Variants in PLEKHO2 observed in about 807,000 individuals in gnomAD.
PLEKHO2 encodes the protein pleckstrin homology domain containing O2.
PLEKHO2 carries 20 observed loss-of-function variants against 32.7 expected under a neutral mutation model. That is an observed-to-expected ratio of 0.61 (90% CI 0.43 to 0.89). PLEKHO2 has a LOEUF of 0.89. Ranked by LOEUF, PLEKHO2 falls within the 40% of genes least tolerant of loss-of-function variation. The probability of loss-of-function intolerance (pLI) is 0.00; values close to 1 mark genes in which losing one functional copy is unlikely to be tolerated. For missense variants in PLEKHO2, 568 were observed against 621.2 expected (o/e 0.91, Z 0.91); for synonymous variants, 247 against 246.3 (o/e 1.00, Z -0.03).
chr15:64,845,345 G>A (rs1256224510), intron 1 of PLEKHO2, among the ~76,000 whole-genome samples: 3 of 151,906 alleles, frequency 2.0e-5, no homozygotes, highest in East Asian at 1.9e-4. Flanking sequence ...GGGCAAAACA[G>A]GAAGAACAGC....
At chr15:64,850,220 T>C (rs527387460) in intron 2 of PLEKHO2, among the ~76,000 whole-genome samples, 1 of 151,978 alleles carries the variant, frequency 6.6e-6, no homozygotes. Context: ...CTCTTACATA[T>C]CTCCCTATGA....
In PLEKHO2 at chr15:64,866,184, C is replaced by T. The variant is rs2084685546; in HGVS notation, c.*296C>T. 2.9e-5 allele frequency: 15 copies of T among 511,634 alleles called. No individual in the cohort carries two copies. Among genetic ancestry groups the T allele is most frequent in the South Asian group, 2.9e-4 (15 of 51,440 alleles). 31.7% of individuals were successfully genotyped at this position (511,634 alleles called of 1,614,324 possible). A position where few individuals can be genotyped will look rare whatever the true frequency, so the allele number is the denominator to read the frequency against. ...TATGTGTTTGTGTGGTCGTTCCAAACTGCCCCAGGGCTTTGGGGGCGGCAC... is the reference window on the plus strand; with the variant it reads ...TATGTGTTTGTGTGGTCGTTCCAAATTGCCCCAGGGCTTTGGGGGCGGCAC... On this transcript the variant is annotated 3_prime_UTR_variant, in exon 6 of 6. Coordinates refer to ENST00000323544, the MANE Select transcript of PLEKHO2 (RefSeq NM_025201.5).
chr15:64,865,882 ACCCTAGGGC>A lies in PLEKHO2; in HGVS notation c.1469_*4del. On this transcript the variant is annotated stop_lost and 3_prime_UTR_variant, in exon 6 of 6. Transcript: ENST00000323544. ...TGGTGACCCTCTACAGGAGAAGTGC[ACCCTAGGGC>A]CTTCTGGGCCAGAGGCACCATCCCT... The A allele has an allele frequency of 6.3e-7, 1 of 1,599,120 alleles. No homozygotes were observed. Among genetic ancestry groups the A allele is most frequent in the Non-Finnish European group, 8.5e-7 (1 of 1,175,732 alleles).
At chr15:64,860,676 C>T (rs1020728930) in intron 4 of PLEKHO2, among the ~76,000 whole-genome samples, 4 of 152,234 alleles carry the variant, frequency 2.6e-5, no homozygotes, top group Non-Finnish European at 5.9e-5. Flanking sequence ...TACCCAGGTT[C>T]CCCGACTCCC....
At chr15:64,843,428 C>T (rs1056103792) in intron 1 of PLEKHO2, among the ~76,000 whole-genome samples, 1 of 152,144 alleles carries the variant, frequency 6.6e-6, no homozygotes, top group Non-Finnish European at 1.5e-5. Flanking sequence ...CTGGCCAGGG[C>T]CCCTCCCCTG....
chr15:64,858,386 T>C (rs1463842379), intron 3 of PLEKHO2, among the ~76,000 whole-genome samples: 1 of 152,136 alleles, frequency 6.6e-6, no homozygotes, highest in Non-Finnish European at 1.5e-5. Context: ...GGGGAGGTAC[T>C]ATCTAACACC....
chr15:64,856,948 T>C (rs77009716), intron 3 of PLEKHO2, among the ~76,000 whole-genome samples: 8 of 152,018 alleles, frequency 5.3e-5, no homozygotes, highest in South Asian at 4.2e-4. Context: ...CCGCCTTTTT[T>C]CCCCTCTAAT....
chr15:64,849,986 C>G (rs1281675259), intron 2 of PLEKHO2, among the ~76,000 whole-genome samples: 1 of 151,472 alleles, frequency 6.6e-6, no homozygotes, highest in African/African-American at 2.4e-5. Context: ...CGTGGAGAAA[C>G]CCCATCTCTA....
chr15:64,844,829 G>C (rs1316091941), intron 1 of PLEKHO2, among the ~76,000 whole-genome samples: 1 of 152,138 alleles, frequency 6.6e-6, no homozygotes, highest in Non-Finnish European at 1.5e-5. Context: ...TATCTCATCA[G>C]AGAGCTAGGA....
intron 1 of PLEKHO2, among the ~76,000 whole-genome samples, chr15:64,847,450 A>ACGACT (rs1359746969): frequency 6.6e-6 from 1 of 152,002 alleles, no homozygotes; most frequent in East Asian, 1.9e-4. Flanking sequence ...CTTCACACTC[A>ACGACT]CGACTCTGGG....
At chr15:64,864,800 CAACCTGGATGGG>C in intron 5 of PLEKHO2, 87 bp from the exon 6 acceptor site, 1 of 1,371,096 alleles carries the variant, frequency 7.3e-7, no homozygotes, top group Non-Finnish European at 9.9e-7. Context: ...GGGGCCTGGA[CAACCTGGATGGG>C]AGAGGGTAAG....
chr15:64,854,819 G>A, intron 2 of PLEKHO2, 102 bp from the exon 3 acceptor site: 1 of 878,784 alleles, frequency 1.1e-6, no homozygotes, highest in South Asian at 1.4e-5. Context: ...CTAACCAAGT[G>A]ATGTCCTCGC....
intron 4 of PLEKHO2, among the ~76,000 whole-genome samples, chr15:64,861,080 C>G (rs2084637956): frequency 6.6e-6 from 1 of 152,246 alleles, no homozygotes; most frequent in South Asian, 2.1e-4. Flanking sequence ...TGGGCTCTCT[C>G]CAGGGGTCCT....
At chr15:64,863,503 CTGTGTGTGTGTGTGTT>C (rs1555437672) in intron 5 of PLEKHO2, among the ~76,000 whole-genome samples, 1 of 137,040 alleles carries the variant, frequency 7.3e-6, no homozygotes, top group Non-Finnish European at 1.6e-5. Context: ...CAGGGAGGCG[CTGTGTGTGTGTGTGTT>C]TGTGTGTGTG....
intron 5 of PLEKHO2, among the ~76,000 whole-genome samples, chr15:64,863,837 G>C (rs1281240458): frequency 6.6e-6 from 1 of 150,690 alleles, no homozygotes; most frequent in Non-Finnish European, 1.5e-5. Context: ...TCCGCTTCCA[G>C]GGTTCAAGCA....
At position 64,865,870 on chromosome 15, in the gene PLEKHO2, CAGG is replaced by C; in HGVS notation, c.1458_1460del (p.Arg487del). The C allele has an allele frequency of 6.2e-7, 1 of 1,606,782 alleles. No homozygotes were observed. Among genetic ancestry groups the C allele is most frequent in the Non-Finnish European group, 8.5e-7 (1 of 1,179,668 alleles). Reference sequence around the variant, plus strand: ...AGCGGAAGGAGCTGGTGACCCTCTACAGGAGAAGTGCACCCTAGGGCCTTCTGG... The same window carrying C: ...AGCGGAAGGAGCTGGTGACCCTCTACAGAAGTGCACCCTAGGGCCTTCTGG... On this transcript the variant is annotated inframe_deletion, in exon 6 of 6. Transcript: ENST00000323544.
chr15:64,848,808 T>TAGTAGGAGGACCCTGGGTCTGGGGCC, intron 2 of PLEKHO2, 66 bp downstream of exon 2: 1 of 1,599,220 alleles, frequency 6.3e-7, no homozygotes, highest in Non-Finnish European at 8.5e-7. Context: ...GCATTCAAGT[T>TAGTAGGAGGACCCTGGGTCTGGGGCC]AGTAGGAGGA....
chr15:64,843,843 G>C (rs78033567), intron 1 of PLEKHO2, among the ~76,000 whole-genome samples: 1 of 152,162 alleles, frequency 6.6e-6, no homozygotes, highest in Non-Finnish European at 1.5e-5. Flanking sequence ...GCCTCCGAAA[G>C]TGTTGGGGTT....
intron 4 of PLEKHO2, 32 bp from the exon 5 acceptor site, chr15:64,861,445 G>T (rs772788452): frequency 1.3e-6 from 2 of 1,532,348 alleles, no homozygotes; most frequent in South Asian, 1.2e-5. Flanking sequence ...CCAAGGCTTG[G>T]CAGGGGCTGA....
Sources: allele counts gnomAD v4.1 joint callset (sites outside exome capture counted in the v4.1 genomes callset), GRCh38; gene constraint gnomAD v4.1.1; transcripts MANE v1.5; gene names NCBI Gene and HGNC (gene_info 2026-07-23, HGNC 2026-07-21).